The following KLHL1 variants were observed in gnomAD, a reference collection of about 807,000 sequenced individuals.
The protein encoded by KLHL1 is kelch-like protein 1.
A neutral mutation model predicts 77.7 loss-of-function variants in KLHL1; 47 were observed. That is an observed-to-expected ratio of 0.60 (90% confidence interval 0.48 to 0.77). KLHL1 has a LOEUF of 0.77. Ranked by LOEUF, KLHL1 falls within the 30% of genes least tolerant of loss-of-function variation. The pLI is 0.00. For synonymous variants in KLHL1, 360 were observed against 325.2 expected, an observed-to-expected ratio of 1.11 and a Z score of -1.15; for missense variants, 925 against 910.8, an observed-to-expected ratio of 1.02 and a Z score of -0.20.
intron 5 of KLHL1, among the ~76,000 whole-genome samples, chr13:69,855,345 T>TAG (rs1566329642): frequency 4.1e-5 from 3 of 72,322 alleles, no homozygotes; most frequent in African/African-American, 7.6e-5. Context: ...GATAGATAGA[T>TAG]AGACAGACAG....
intron 1 of KLHL1, among the ~76,000 whole-genome samples, chr13:70,062,702 A>G (rs1229939826): frequency 6.6e-6 from 1 of 152,102 alleles, no homozygotes. Flanking sequence ...TCAGACTTTT[A>G]TCTGCTTACT....
chr13:69,888,122 A>G (rs982499985), intron 4 of KLHL1, among the ~76,000 whole-genome samples: 2 of 152,026 alleles, frequency 1.3e-5, no homozygotes, highest in Non-Finnish European at 2.9e-5. Flanking sequence ...TACAGACAGC[A>G]TTTTCTTGCT....
At chr13:69,730,686 C>T (rs1424077056) in intron 8 of KLHL1, among the ~76,000 whole-genome samples, 2 of 152,012 alleles carry the variant, frequency 1.3e-5, no homozygotes, top group South Asian at 2.1e-4. Context: ...ATCCTCTCAC[C>T]TCAGCCCCTC....
At chr13:70,106,019 A>C (rs1219670988) in intron 1 of KLHL1, among the ~76,000 whole-genome samples, 2 of 150,916 alleles carry the variant, frequency 1.3e-5, no homozygotes, top group Non-Finnish European at 3.0e-5. Context: ...AAAATTTTTA[A>C]GGATATTTTT....
intron 6 of KLHL1, among the ~76,000 whole-genome samples, chr13:69,823,691 G>T (rs1364095992): frequency 1.3e-5 from 2 of 151,818 alleles, no homozygotes; most frequent in African/African-American, 4.8e-5. Context: ...ATTAACTGTA[G>T]GACTCTATTC....
At chr13:70,039,806 A>C (rs1867713567) in intron 1 of KLHL1, among the ~76,000 whole-genome samples, 1 of 151,938 alleles carries the variant, frequency 6.6e-6, no homozygotes, top group Admixed American at 6.5e-5. Context: ...TGCCTAGCTA[A>C]TTTTTAAAAT....
intron 5 of KLHL1, among the ~76,000 whole-genome samples, chr13:69,877,845 T>A (rs369573714): frequency 2.6e-5 from 4 of 152,258 alleles, no homozygotes; most frequent in African/African-American, 9.6e-5. Flanking sequence ...CTCTGTTATA[T>A]TTTCTACACC....
In KLHL1 at chr13:69,915,057, C is replaced by T. The variant is rs550724676; in HGVS notation, c.1014+24983G>A. Among the ~76,000 whole-genome samples the T allele has an allele frequency of 1.1e-4, 17 of 151,976 alleles. 1 individual carries two copies. The South Asian group carries it at 3.1e-3, about 28-fold the overall frequency. ...ACTTATGGTACTGCTCATTGGAATG[C>T]AAAAATGGTATAACACTGCTCAACG... On this transcript the variant is annotated intron_variant, in intron 4 of 10. Coordinates refer to ENST00000377844, the MANE Select transcript of KLHL1 (RefSeq NM_020866.3).
intron 1 of KLHL1, among the ~76,000 whole-genome samples, chr13:70,006,644 C>G (rs558455704): frequency 6.6e-6 from 1 of 151,614 alleles, no homozygotes. Context: ...TTATAAGATG[C>G]CCCTTACTGG....
chr13:69,771,341 A>G (rs1442890739), intron 7 of KLHL1, among the ~76,000 whole-genome samples: 1 of 151,550 alleles, frequency 6.6e-6, no homozygotes, highest in South Asian at 2.1e-4. Context: ...TTTTTCATCT[A>G]TTATATTTAA....
rs114505819 is a variant in KLHL1 at position 69,758,974 on chromosome 13, C to A, written c.1640-18418G>T. Among the ~76,000 whole-genome samples, 1,463 of 152,128 alleles carry A rather than the reference C, an allele frequency of 9.6e-3. 27 individuals carry two copies. Among genetic ancestry groups the A allele is most frequent in the African/African-American group, 0.033 (1,376 of 41,502 alleles). On this transcript the variant is annotated intron_variant, in intron 7 of 10. Transcript: ENST00000377844. The stretch of plus-strand genomic sequence containing the variant: ...ACAGGTACCCTCCCTAATGTTCCCC[C>A]CAGGGTGTTCTGGGTCCCAAGAGCT...
chr13:69,787,721 G>A (rs956405809), intron 7 of KLHL1, among the ~76,000 whole-genome samples: 3 of 152,072 alleles, frequency 2.0e-5, no homozygotes, highest in African/African-American at 7.2e-5. Flanking sequence ...GAGTGAAAAG[G>A]CAACCTACAA....
chr13:69,872,871 C>T (rs899582191), intron 5 of KLHL1, among the ~76,000 whole-genome samples: 7 of 152,074 alleles, frequency 4.6e-5, no homozygotes, highest in African/African-American at 1.7e-4. Flanking sequence ...ATGAGGGATC[C>T]TCCCCAATGA....
intron 6 of KLHL1, among the ~76,000 whole-genome samples, chr13:69,824,881 G>T (rs541041845): frequency 1.3e-3 from 199 of 152,070 alleles, no homozygotes; most frequent in African/African-American, 4.7e-3. Flanking sequence ...CTTAAGATTT[G>T]CACATCTCAA....
At chr13:70,015,530 C>A (rs898854698) in intron 1 of KLHL1, among the ~76,000 whole-genome samples, 7 of 152,086 alleles carry the variant, frequency 4.6e-5, no homozygotes, top group Non-Finnish European at 7.4e-5. Context: ...AAAAGCAATG[C>A]ATATTTAGCA....
chr13:70,081,670 G>C (rs1013855226), intron 1 of KLHL1, among the ~76,000 whole-genome samples: 2 of 152,138 alleles, frequency 1.3e-5, no homozygotes, highest in African/African-American at 4.8e-5. Flanking sequence ...ATGATCAATA[G>C]AGTTTAAACA....
chr13:69,887,139 C>T (rs1216226052), intron 4 of KLHL1, among the ~76,000 whole-genome samples: 4 of 152,082 alleles, frequency 2.6e-5, no homozygotes, highest in Non-Finnish European at 4.4e-5. Context: ...ATTCCTTAAG[C>T]GTCCTTTGCA....
intron 1 of KLHL1, among the ~76,000 whole-genome samples, chr13:69,986,118 A>G (rs1352134557): frequency 6.6e-6 from 1 of 151,640 alleles, no homozygotes; most frequent in Non-Finnish European, 1.5e-5. Context: ...TATGTGTAGA[A>G]TCTAAAGAAG....
At chr13:69,720,984 A>G (rs1873019237) in intron 8 of KLHL1, among the ~76,000 whole-genome samples, 1 of 120,818 alleles carries the variant, frequency 8.3e-6, no homozygotes, top group Middle Eastern at 3.7e-3. Flanking sequence ...AAATCACTAA[A>G]GCCAAAGGGA....
Sources: gnomAD v4.1 joint callset for allele counts (sites outside exome capture counted in the v4.1 genomes callset) on GRCh38, gnomAD v4.1.1 for gene constraint, MANE v1.5 for transcripts, NCBI Gene and HGNC (gene_info 2026-07-23, HGNC 2026-07-21) for gene names.